The following NELL1 variants were observed in gnomAD, a reference collection of about 807,000 sequenced individuals.
The protein encoded by NELL1 is neural EGFL like 1.
Under a neutral mutation model 107.4 loss-of-function variants are expected in NELL1, and 76 were observed. The ratio of observed to expected loss-of-function variants is 0.71; its 90% CI spans 0.59 to 0.86. The LOEUF is 0.86. Ranked by LOEUF, NELL1 falls within the 40% of genes least tolerant of loss-of-function variation. The probability of loss-of-function intolerance (pLI) is 0.00; values close to 1 mark genes in which losing one functional copy is unlikely to be tolerated. For synonymous variants in NELL1, 353 were observed against 341.2 expected, an observed-to-expected ratio of 1.03 and a Z score of -0.38; for missense variants, 1,024 against 1,005.5, an observed-to-expected ratio of 1.02 and a Z score of -0.25.
chr11:21,191,438 G>A (rs902161640), intron 13 of NELL1, among the ~76,000 whole-genome samples: 17 of 151,782 alleles, frequency 1.1e-4, no homozygotes, highest in Non-Finnish European at 1.5e-4. Context: ...CTAGAAGTCC[G>A]CCAAAAGAAA....
intron 15 of NELL1, among the ~76,000 whole-genome samples, chr11:21,518,637 G>T (rs1050034470): frequency 1.3e-5 from 2 of 152,184 alleles, no homozygotes; most frequent in African/African-American, 4.8e-5. Flanking sequence ...CATAAGGGAA[G>T]AAGTGAAACG....
chr11:21,425,274 G>A (rs1044154797), intron 15 of NELL1, among the ~76,000 whole-genome samples: 1 of 144,056 alleles, frequency 6.9e-6, no homozygotes, highest in Non-Finnish European at 1.5e-5. Context: ...GAATTTCAAG[G>A]TACTGTGAAT....
At chr11:20,834,418 A>C (rs1157591912) in intron 3 of NELL1, among the ~76,000 whole-genome samples, 2 of 152,126 alleles carry the variant, frequency 1.3e-5, no homozygotes, top group East Asian at 3.8e-4. Flanking sequence ...GATGTTGAGT[A>C]GGTAGTTGGT....
intron 14 of NELL1, among the ~76,000 whole-genome samples, chr11:21,230,225 G>A (rs777214293): frequency 2.6e-5 from 4 of 152,118 alleles, no homozygotes; most frequent in Non-Finnish European, 4.4e-5. Context: ...GAACATCACA[G>A]GTTTATGTGT....
At chr11:21,074,311 G>T (rs1271228386) in intron 12 of NELL1, among the ~76,000 whole-genome samples, 1 of 152,120 alleles carries the variant, frequency 6.6e-6, no homozygotes, top group Non-Finnish European at 1.5e-5. Flanking sequence ...CAGATGGACA[G>T]CCTGTTGTAA....
At chr11:21,222,832 T>C (rs1565118105) in intron 13 of NELL1, among the ~76,000 whole-genome samples, 2 of 149,164 alleles carry the variant, frequency 1.3e-5, no homozygotes. Flanking sequence ...CTTGTTTATA[T>C]TCCATGTTTT....
chr11:20,942,108 A>G (rs1347563385), intron 10 of NELL1, among the ~76,000 whole-genome samples: 1 of 152,242 alleles, frequency 6.6e-6, no homozygotes, highest in Non-Finnish European at 1.5e-5. Flanking sequence ...AGGCATTTAG[A>G]GACTTTGCAG....
chr11:21,226,233 G>A (rs929260044), intron 13 of NELL1, among the ~76,000 whole-genome samples: 5 of 152,164 alleles, frequency 3.3e-5, no homozygotes, highest in African/African-American at 1.2e-4. Context: ...TGTTCTTTGG[G>A]AATAGGTCAT....
chr11:21,443,091 G>C (rs192498974), intron 15 of NELL1, among the ~76,000 whole-genome samples: 1 of 151,816 alleles, frequency 6.6e-6, no homozygotes, highest in South Asian at 2.1e-4. Flanking sequence ...AGAAGTCCAA[G>C]ATCCAAGATT....
At chr11:20,793,120 T>C (rs891600151) in intron 3 of NELL1, among the ~76,000 whole-genome samples, 21 of 151,922 alleles carry the variant, frequency 1.4e-4, no homozygotes, top group Admixed American at 1.2e-3. Context: ...ACAAAAAATA[T>C]TTAGGCTGAT....
intron 15 of NELL1, among the ~76,000 whole-genome samples, chr11:21,506,395 T>C (rs1855280020): frequency 6.6e-6 from 1 of 152,214 alleles, no homozygotes; most frequent in South Asian, 2.1e-4. Context: ...TGTTTATGAC[T>C]TTATGGCCTA....
In NELL1 at chr11:20,838,116, C is replaced by T. The variant is rs576661234; in HGVS notation, c.336-9467C>T. ...ATGTAGTAGAATGCATTCTTAGATA[C>T]GATACTGTGAGAATTGCACATTACT... On this transcript the variant is annotated intron_variant, in intron 3 of 19. Transcript: ENST00000357134. Among the ~76,000 whole-genome samples the T allele has an allele frequency of 4.6e-4, 70 of 151,806 alleles. 1 individual carries two copies. The highest frequency in any genetic ancestry group is 1.7e-3 in the South Asian group (8 of 4,790).
intron 3 of NELL1, among the ~76,000 whole-genome samples, chr11:20,833,632 T>G (rs193146054): frequency 1.3e-5 from 2 of 152,274 alleles, no homozygotes; most frequent in African/African-American, 4.8e-5. Flanking sequence ...GAAAAATATT[T>G]AAGTACAGAG....
At chr11:21,574,816 T>C (rs1416721757) in intron 19 of NELL1, among the ~76,000 whole-genome samples, 156 bp from the exon 20 acceptor site, 6 of 151,872 alleles carry the variant, frequency 4.0e-5, no homozygotes, top group Non-Finnish European at 8.8e-5. Context: ...CTACTCTTTC[T>C]CTAGTTTTTT....
At chr11:21,308,169 G>A (rs988869618) in intron 14 of NELL1, among the ~76,000 whole-genome samples, 1 of 152,040 alleles carries the variant, frequency 6.6e-6, no homozygotes, top group Non-Finnish European at 1.5e-5. Flanking sequence ...GAAATACCTC[G>A]TGGGGTTGCT....
At chr11:20,771,961 T>C (rs1200073075) in intron 2 of NELL1, among the ~76,000 whole-genome samples, 1 of 152,190 alleles carries the variant, frequency 6.6e-6, no homozygotes, top group Non-Finnish European at 1.5e-5. Flanking sequence ...TTTTTATTCT[T>C]GAAAAACAGC....
intron 14 of NELL1, among the ~76,000 whole-genome samples, chr11:21,300,850 C>T (rs1377401966): frequency 6.6e-6 from 1 of 151,766 alleles, no homozygotes; most frequent in Non-Finnish European, 1.5e-5. Context: ...GCATGCTGTA[C>T]CCATTAACTT....
At chr11:20,729,955 C>A (rs1855593271) in intron 2 of NELL1, among the ~76,000 whole-genome samples, 1 of 152,182 alleles carries the variant, frequency 6.6e-6, no homozygotes, top group Admixed American at 6.5e-5. Context: ...TGTTCCATCT[C>A]TGGCTTGAGC....
At chr11:20,906,193 C>G (rs1269430300) in intron 5 of NELL1, among the ~76,000 whole-genome samples, 1 of 152,014 alleles carries the variant, frequency 6.6e-6, no homozygotes, top group Non-Finnish European at 1.5e-5. Flanking sequence ...AAATAGAAGA[C>G]TATGAATAAT....
Sources: gnomAD v4.1 joint callset for allele counts (sites outside exome capture counted in the v4.1 genomes callset) on GRCh38, gnomAD v4.1.1 for gene constraint, MANE v1.5 for transcripts, NCBI Gene and HGNC (gene_info 2026-07-23, HGNC 2026-07-21) for gene names.